The following ZNF534 variants were observed in gnomAD, a reference collection of about 807,000 sequenced individuals.
The protein encoded by ZNF534 is zinc finger protein 534.
In ZNF534, 19 loss-of-function variants were observed where a neutral mutation model predicts 13.6. The observed-to-expected ratio is 1.40, with a 90% CI of 0.97 to 2.05. The LOEUF (loss-of-function observed/expected upper bound fraction) is 2.05, where lower values mean the gene tolerates loss of function less well. Among genes scored for constraint, ZNF534 ranks in the 30% most tolerant of loss-of-function variants. The probability of loss-of-function intolerance (pLI) is 0.00; values close to 1 mark genes in which losing one functional copy is unlikely to be tolerated. For synonymous variants in ZNF534, 244 were observed against 273.8 expected (o/e 0.89, Z 1.07); for missense variants, 782 against 796.3 (o/e 0.98, Z 0.22).
intron 4 of ZNF534, among the ~76,000 whole-genome samples, chr19:52,450,682 TTTGTTTTTGTTTTTG>T (rs752630854): frequency 0.57 from 34,642 of 61,122 alleles, 11,099 homozygotes; most frequent in Non-Finnish European, 0.66. Context: ...TTTTTTTTTT[TTTGTTTTTGTTTTTG>T]TTTTTTTTTT....
At chr19:52,430,536 G>A (rs549008876) in intron 1 of ZNF534, among the ~76,000 whole-genome samples, 3 of 151,242 alleles carry the variant, frequency 2.0e-5, no homozygotes, top group East Asian at 3.9e-4. Flanking sequence ...CTTTGGTCAG[G>A]GTGAGGTCTG....
Position 52,438,827 on chromosome 19 carries a change from A to G in ZNF534, c.1367A>G (p.His456Arg), listed in dbSNP as rs376234098. ...VFRHKSSLTY[H>R]CRIHTGEKPY... is the part of the protein sequence containing the mutation. ...AGGCACAAGTCTTCCCTAACCTATC[A>G]CTGTAGAATTCATACTGGAGAGAAG... Residue 456 changes from histidine (H) to arginine (R), a missense_variant, in exon 5 of 5, where the codon CAC becomes CGC. By Grantham distance (29) the His-to-Arg change is conservative (BLOSUM62 0). Coordinates refer to ENST00000433050, the MANE Select transcript of ZNF534 (RefSeq NM_001143938.3). The G allele has an allele frequency of 6.2e-7, 1 of 1,611,598 alleles. No individual in the cohort carries two copies. The highest frequency in any genetic ancestry group is 1.1e-5 in the South Asian group (1 of 90,740).
In ZNF534 at chr19:52,434,063, A is replaced by T. The variant is rs201168463; in HGVS notation, c.124A>T (p.Arg42Trp). 1 of 1,614,058 alleles carries T rather than the reference A, an allele frequency of 6.2e-7. No individual in the cohort carries two copies. The highest frequency in any genetic ancestry group is 8.5e-7 in the Non-Finnish European group (1 of 1,180,036). Residue 42 changes from arginine (R) to tryptophan (W), a missense_variant, in exon 3 of 5, where the codon AGG becomes TGG. Transcript: ENST00000433050. The part of the protein sequence containing the change: ...LYRDVMLENY[R>W]NLVSLGICLP... ...CAGGGACGTGATGTTAGAGAACTAC[A>T]GGAACCTGGTCTCCCTAGGTGAGGA...
chr19:52,442,602 G>A (rs987049762), downstream of ZNF534, among the ~76,000 whole-genome samples: 1 of 152,168 alleles, frequency 6.6e-6, no homozygotes, highest in Non-Finnish European at 1.5e-5. Context: ...CTGGGTTAGG[G>A]TCCCCATGAC....
At position 52,441,868 on chromosome 19, in the gene ZNF534, C is replaced by G. The variant is rs757670949; in HGVS notation, c.*2422C>G. 1.6e-4 allele frequency among the ~76,000 whole-genome samples: 24 copies of G among 152,186 alleles called. No homozygotes were observed. Among genetic ancestry groups the G allele is most frequent in the Non-Finnish European group, 3.4e-4 (23 of 68,038 alleles). On this transcript the variant is annotated 3_prime_UTR_variant, in exon 5 of 5. Transcript: ENST00000433050. Reference sequence around the variant, plus strand: ...GTGGTAAAATGTTTTAGTCACAATTCACACCTTGGACAGCATCAGATAATT... The same window carrying G: ...GTGGTAAAATGTTTTAGTCACAATTGACACCTTGGACAGCATCAGATAATT...
chr19:52,433,242 A>G (rs2059101345), intron 2 of ZNF534, among the ~76,000 whole-genome samples: 3 of 150,452 alleles, frequency 2.0e-5, no homozygotes, highest in African/African-American at 7.3e-5. Context: ...ATCTCAAAAA[A>G]AAAAAAAAAA....
At chr19:52,446,235 T>G (rs991313118), downstream of ZNF534, among the ~76,000 whole-genome samples, 22 of 152,296 alleles carry the variant, frequency 1.4e-4, no homozygotes, top group African/African-American at 5.3e-4. Flanking sequence ...AATTACAGTT[T>G]GTGACAAGGA....
chr19:52,443,165 T>C (rs993400196), downstream of ZNF534, among the ~76,000 whole-genome samples: 1 of 152,162 alleles, frequency 6.6e-6, no homozygotes, highest in Admixed American at 6.5e-5. Flanking sequence ...AACATGCATT[T>C]TCTCTTAAGT....
downstream of ZNF534, among the ~76,000 whole-genome samples, chr19:52,446,395 C>T (rs1422030596): frequency 3.9e-5 from 6 of 152,118 alleles, no homozygotes; most frequent in African/African-American, 1.4e-4. Flanking sequence ...TCAGATTTGT[C>T]CCCACCTAAA....
chr19:52,429,556 C>T (rs1472077632), intron 1 of ZNF534, among the ~76,000 whole-genome samples: 1 of 150,200 alleles, frequency 6.7e-6, no homozygotes, highest in East Asian at 1.9e-4. Context: ...CAAGGGCTGA[C>T]TTTAGACTGT....
chr19:52,429,730 G>A (rs1424285031), intron 1 of ZNF534, among the ~76,000 whole-genome samples: 1 of 151,814 alleles, frequency 6.6e-6, no homozygotes, highest in Non-Finnish European at 1.5e-5. Context: ...CGAGTAGCTG[G>A]GATTACAGGC....
At chr19:52,433,540 G>A (rs1447808094) in intron 2 of ZNF534, among the ~76,000 whole-genome samples, 1 of 151,894 alleles carries the variant, frequency 6.6e-6, no homozygotes, top group African/African-American at 2.4e-5. Context: ...CTAATTTTTT[G>A]TATTTTTAGT....
rs1048235512 is a variant in ZNF534, at chr19:52,441,024, C to T, written c.*1578C>T. On this transcript the variant is annotated 3_prime_UTR_variant, in exon 5 of 5. Transcript: ENST00000433050. ...TCAAGCAATTCTCCTGCCTCTACCT[C>T]CCGAGTAGCTAGGACTACAAGCACA... Among the ~76,000 whole-genome samples, 16 of 152,018 alleles carry T rather than the reference C, an allele frequency of 1.1e-4. No individual in the cohort carries two copies. Among genetic ancestry groups the T allele is most frequent in the South Asian group, 2.1e-4 (1 of 4,824 alleles).
At chr19:52,447,854 T>A (rs185490350) in intron 4 of ZNF534, among the ~76,000 whole-genome samples, 13 of 148,448 alleles carry the variant, frequency 8.8e-5, no homozygotes, top group Admixed American at 2.8e-4. Flanking sequence ...ATTTTGCGAT[T>A]TTTTTCATGT....
rs2059176311 is a variant in ZNF534, at chr19:52,442,054, ACT to A, written c.*2609_*2610del. Among the ~76,000 whole-genome samples, 1 of 23,088 alleles carries A rather than the reference ACT, an allele frequency of 4.3e-5. No individual in the cohort carries two copies. The highest frequency in any genetic ancestry group is 9.7e-5 in the African/African-American group (1 of 10,322). 15.1% of individuals were successfully genotyped at this position (23,088 alleles called of 152,430 possible). Reference sequence around the variant, plus strand: ...GCCAAATCACTAGAAATCAAAATATACTTTTGGATAAAACGACACAGATGGAT... The same window carrying A: ...GCCAAATCACTAGAAATCAAAATATATTTGGATAAAACGACACAGATGGAT... On this transcript the variant is annotated 3_prime_UTR_variant, in exon 5 of 5. Transcript: ENST00000433050.
downstream of ZNF534, among the ~76,000 whole-genome samples, chr19:52,447,030 A>C (rs1599872862): frequency 1.3e-5 from 2 of 152,272 alleles, no homozygotes; most frequent in South Asian, 4.1e-4. Flanking sequence ...TCCACCTTCA[A>C]TGTCAGTTGC....
chr19:52,437,045 G>C (rs917790614), intron 4 of ZNF534, among the ~76,000 whole-genome samples: 2 of 152,038 alleles, frequency 1.3e-5, no homozygotes, highest in Non-Finnish European at 2.9e-5. Flanking sequence ...CTTAGTTGCT[G>C]TAAGGGTGTG....
At chr19:52,434,934 C>A in intron 3 of ZNF534, 147 bp from the exon 4 acceptor site, 1 of 1,004,798 alleles carries the variant, frequency 1.0e-6, no homozygotes, top group Non-Finnish European at 1.4e-6. Flanking sequence ...TACAATGTTC[C>A]CTTAGCATTC....
At chr19:52,443,464 T>C (rs1379346864), downstream of ZNF534, among the ~76,000 whole-genome samples, 1 of 152,332 alleles carries the variant, frequency 6.6e-6, no homozygotes, top group East Asian at 1.9e-4. Flanking sequence ...TTATTTTTTC[T>C]TTGTCTTTGT....
Sources: allele counts gnomAD v4.1 joint callset (sites outside exome capture counted in the v4.1 genomes callset), GRCh38; gene constraint gnomAD v4.1.1; transcripts MANE v1.5; gene names NCBI Gene and HGNC (gene_info 2026-07-23, HGNC 2026-07-21).